Variants in RAB3IP observed in about 807,000 individuals in gnomAD.
RAB3IP encodes the protein rab-3A-interacting protein.
RAB3IP carries 36 observed loss-of-function variants against 59.1 expected under a neutral mutation model. The observed-to-expected ratio is 0.61, with a 90% confidence interval of 0.47 to 0.80. The LOEUF (loss-of-function observed/expected upper bound fraction) is 0.80. Among genes scored for constraint, RAB3IP ranks in the 30% least tolerant of loss-of-function variants. RAB3IP has a pLI of 0.00. For missense variants in RAB3IP, 511 were observed against 536.0 expected (o/e 0.95, Z 0.46); for synonymous variants, 207 against 191.2 (o/e 1.08, Z -0.68).
chr12:69,769,243 G>T (rs565970044), intron 3 of RAB3IP, among the ~76,000 whole-genome samples: 1 of 152,102 alleles, frequency 6.6e-6, no homozygotes, highest in Admixed American at 6.5e-5. Flanking sequence ...AGACTAATAC[G>T]TGCCCAGATT....
intron 1 of RAB3IP, among the ~76,000 whole-genome samples, chr12:69,747,333 A>T (rs28576032): frequency 0.019 from 1,621 of 86,078 alleles, 17 homozygotes; most frequent in African/African-American, 0.049. Flanking sequence ...TGTGTGTGTG[A>T]GAGAGAGAGA....
At chr12:69,762,020 A>G (rs534361055) in intron 3 of RAB3IP, among the ~76,000 whole-genome samples, 3 of 152,186 alleles carry the variant, frequency 2.0e-5, no homozygotes, top group Admixed American at 6.5e-5. Flanking sequence ...CTTGGCTTAG[A>G]TATGATACAC....
chr12:69,792,510 T>C (rs1017750990), intron 4 of RAB3IP, among the ~76,000 whole-genome samples: 1 of 152,210 alleles, frequency 6.6e-6, no homozygotes, highest in African/African-American at 2.4e-5. Context: ...CAGAAAAAGT[T>C]TACCGACTCC....
chr12:69,762,756 C>CAAAAAAAAAAAAAAAAAAAAAAAAAA (rs11445702), intron 3 of RAB3IP, among the ~76,000 whole-genome samples: 1 of 76,758 alleles, frequency 1.3e-5, no homozygotes, highest in Non-Finnish European at 2.3e-5. Flanking sequence ...GACTCCGTCT[C>CAAAAAAAAAAAAAAAAAAAAAAAAAA]AAAAAAAAAA....
intron 7 of RAB3IP, 48 bp downstream of exon 7, chr12:69,800,385 C>CT (rs1408841540): frequency 1.7e-6 from 2 of 1,190,760 alleles, no homozygotes; most frequent in African/African-American, 3.2e-5. Context: ...TGTTTCTGTA[C>CT]TTCTTTTAAA....
At chr12:69,751,960 T>C (rs1048678079) in intron 1 of RAB3IP, among the ~76,000 whole-genome samples, 5 of 151,692 alleles carry the variant, frequency 3.3e-5, no homozygotes, top group African/African-American at 1.2e-4. Flanking sequence ...CTGTCATCTC[T>C]CCTTCTATAG....
At chr12:69,755,937 A>G (rs1277539535) in intron 2 of RAB3IP, among the ~76,000 whole-genome samples, 1 of 152,232 alleles carries the variant, frequency 6.6e-6, no homozygotes, top group African/African-American at 2.4e-5. Flanking sequence ...CAGTATGTAA[A>G]TGAATGAGAG....
chr12:69,749,843 C>T (rs1868944903), intron 1 of RAB3IP, among the ~76,000 whole-genome samples: 2 of 152,186 alleles, frequency 1.3e-5, no homozygotes, highest in Admixed American at 1.3e-4. Flanking sequence ...CAGTCTCCTA[C>T]TCTAATAGGC....
At chr12:69,791,274 G>A (rs1016487799) in intron 4 of RAB3IP, among the ~76,000 whole-genome samples, 1 of 152,134 alleles carries the variant, frequency 6.6e-6, no homozygotes, top group African/African-American at 2.4e-5. Context: ...ATTGGTCTGG[G>A]CAGTGATTTT....
At position 69,755,472 on chromosome 12, in the gene RAB3IP, CT is replaced by C; in HGVS notation, c.66del (p.Gly24ValfsTer35). ...VNLASPTSPD[L>X]LGVYESGTQE... ...CCTTGCTTCACCTACTTCTCCGGAC[CT>C]TCTTGGTGTGTATGAATCAGGAACT... On this transcript the variant is annotated frameshift_variant, in exon 2 of 11. Coordinates refer to ENST00000247833, the MANE Select transcript of RAB3IP (RefSeq NM_022456.5). LOFTEE classifies it high-confidence loss of function. The C allele has an allele frequency of 6.2e-7, 1 of 1,614,100 alleles. No individual in the cohort carries two copies.
At chr12:69,793,592 A>G (rs1402239705) in intron 4 of RAB3IP, among the ~76,000 whole-genome samples, 8 of 152,316 alleles carry the variant, frequency 5.3e-5, no homozygotes, top group Admixed American at 3.3e-4. Context: ...GGATTATTCT[A>G]TACAAGGGCA....
intron 1 of RAB3IP, among the ~76,000 whole-genome samples, chr12:69,751,255 G>A (rs1869233352): frequency 6.6e-6 from 1 of 152,096 alleles, no homozygotes; most frequent in African/African-American, 2.4e-5. Flanking sequence ...TTTGGTTAGT[G>A]GGAGTCCGTT....
intron 4 of RAB3IP, among the ~76,000 whole-genome samples, chr12:69,787,832 C>T (rs1417464412): frequency 6.6e-6 from 1 of 152,046 alleles, no homozygotes; most frequent in Non-Finnish European, 1.5e-5. Context: ...TCCCTATGTG[C>T]TAGGCACATA....
chr12:69,813,129 A>G, intron 10 of RAB3IP, 96 bp downstream of exon 10: 1 of 804,568 alleles, frequency 1.2e-6, no homozygotes, highest in South Asian at 1.9e-5. Context: ...AGTAATGCTC[A>G]TATCAGCTTT....
chr12:69,763,434 A>T (rs1871686107), intron 3 of RAB3IP, among the ~76,000 whole-genome samples: 1 of 152,222 alleles, frequency 6.6e-6, no homozygotes, highest in Non-Finnish European at 1.5e-5. Flanking sequence ...AATTGTTGCC[A>T]TGACCCTTGC....
rs752890960 is a variant in RAB3IP at position 69,817,048 on chromosome 12, T to A, written c.*1602T>A. 12 of 152,176 alleles carry A rather than the reference T, an allele frequency of 7.9e-5. No homozygotes were observed. Among genetic ancestry groups the A allele is most frequent in the Non-Finnish European group, 1.8e-4 (12 of 68,030 alleles). 9.4% of individuals were successfully genotyped at this position (152,176 alleles called of 1,614,324 possible). ...AATAAGAATATGTACCATCAAAGCT[T>A]CAGAAGATTTTCCGTACAAACTAAA... On this transcript the variant is annotated 3_prime_UTR_variant, in exon 11 of 11. Coordinates refer to ENST00000247833, the MANE Select transcript of RAB3IP (RefSeq NM_022456.5).
At chr12:69,754,851 A>G (rs1432248305) in intron 1 of RAB3IP, among the ~76,000 whole-genome samples, 2 of 152,200 alleles carry the variant, frequency 1.3e-5, no homozygotes, top group African/African-American at 4.8e-5. Context: ...GTATTTTCAT[A>G]TTTAAATAGT....
intron 3 of RAB3IP, among the ~76,000 whole-genome samples, chr12:69,765,556 A>C (rs938209707): frequency 6.6e-6 from 1 of 152,030 alleles, no homozygotes; most frequent in Non-Finnish European, 1.5e-5. Context: ...TTTGTTGAGG[A>C]TTTTTGAATC....
At position 69,759,308 on chromosome 12, in the gene RAB3IP, T is replaced by TCATA. The variant is rs1440953410; in HGVS notation, c.510+2646_510+2649dup. On this transcript the variant is annotated intron_variant, in intron 3 of 10. Transcript: ENST00000247833. ...AGAGAGCACAGGGTTGGGGGTAAGG[T>TCATA]CATAGATCAACAGCATCCCAAGGCA... is the stretch of plus-strand genomic sequence containing the variant. 3.9e-4 allele frequency among the ~76,000 whole-genome samples: 59 copies of TCATA among 151,562 alleles called. 1 individual carries two copies. Among genetic ancestry groups the TCATA allele is most frequent in the African/African-American group, 1.4e-3 (58 of 41,290 alleles).
Sources: gnomAD v4.1 joint callset for allele counts (sites outside exome capture counted in the v4.1 genomes callset) on GRCh38, gnomAD v4.1.1 for gene constraint, MANE v1.5 for transcripts, NCBI Gene and HGNC (gene_info 2026-07-23, HGNC 2026-07-21) for gene names.